MYO9A: variants seen among roughly 807,000 people sequenced by gnomAD.
MYO9A encodes the protein unconventional myosin-IXa.
In MYO9A, 103 loss-of-function variants were observed where a neutral mutation model predicts 293.3. The observed-to-expected ratio is 0.35, with a 90% CI of 0.30 to 0.41. MYO9A has a LOEUF of 0.41. Among genes scored for constraint, MYO9A ranks in the 10% least tolerant of loss-of-function variants. The pLI, the probability that MYO9A is intolerant of heterozygous loss-of-function variation, is 1.00. For synonymous variants in MYO9A, 1,001 were observed against 1,035.7 expected (o/e 0.97, Z 0.64); for missense variants, 2,685 against 3,033.0 (o/e 0.89, Z 2.69).
chr15:71,997,473 G>A (rs752631609), intron 9 of MYO9A, among the ~76,000 whole-genome samples: 83 of 152,078 alleles, frequency 5.5e-4, no homozygotes, highest in Admixed American at 7.9e-4. Flanking sequence ...GGTGGCGGGC[G>A]CCTGTAATCC....
At chr15:71,967,407 G>A (rs867763181) in intron 13 of MYO9A, among the ~76,000 whole-genome samples, 1 of 152,064 alleles carries the variant, frequency 6.6e-6, no homozygotes, top group Non-Finnish European at 1.5e-5. Flanking sequence ...TAAGACACTC[G>A]ACTCAAGACC....
Position 71,897,866 on chromosome 15 carries a change from G to A in MYO9A, c.4637C>T (p.Ser1546Phe), listed in dbSNP as rs2057375753. Residue 1546 changes from serine (S) to phenylalanine (F), a missense_variant, in exon 25 of 42, where the codon TCT becomes TTT. Physicochemically the swap from Ser to Phe is radical, Grantham distance 155. This residue lies in a region of MYO9A where 1,434 missense variants were observed against 1,497.7 expected (regional missense o/e 0.96). Transcript: ENST00000356056. ...PRIGECLVAP[S>F]SYQSKQRVER... is the part of the protein sequence containing the mutation. The stretch of plus-strand genomic sequence containing the variant: ...TACTCTTTGCTTTGACTGATAGGAA[G>A]ATGGTGCCACCAAACACTCTCCAAT... The A allele has an allele frequency of 6.2e-7, 1 of 1,614,008 alleles. No homozygotes were observed. The highest frequency in any genetic ancestry group is 1.7e-5 in the Admixed American group (1 of 59,984).
rs369422000 is a variant in MYO9A at position 71,976,328 on chromosome 15, G to T, written c.1844+1843C>A. Among the ~76,000 whole-genome samples, 39 of 152,252 alleles carry T rather than the reference G, an allele frequency of 2.6e-4. No individual in the cohort carries two copies. In the East Asian group the frequency reaches 7.1e-3, roughly 28 times the overall value. On this transcript the variant is annotated intron_variant, in intron 12 of 41. Coordinates refer to ENST00000356056, the MANE Select transcript of MYO9A (RefSeq NM_006901.4). Reference sequence around the variant, plus strand: ...TCTGTAACAGTAGTTATAGAAATGGGATACAAGTCCTGGACTTCTGACTCT... The same window carrying T: ...TCTGTAACAGTAGTTATAGAAATGGTATACAAGTCCTGGACTTCTGACTCT...
chr15:71,964,871 C>T lies in MYO9A; in HGVS notation c.1986+3113G>A, dbSNP rs572601804. 4.9e-4 allele frequency among the ~76,000 whole-genome samples: 74 copies of T among 152,024 alleles called. 1 individual carries two copies. The highest frequency in any genetic ancestry group is 1.2e-3 in the South Asian group (6 of 4,822). ...TTGGGAGGCTGAGGAACGAGAATTG[C>T]TTGAACCCAGGTGGTGGTGGTTGCA... is the stretch of plus-strand genomic sequence containing the variant. On this transcript the variant is annotated intron_variant, in intron 13 of 41. Transcript: ENST00000356056.
At chr15:71,857,930 C>T (rs1428271769) in intron 34 of MYO9A, among the ~76,000 whole-genome samples, 1 of 152,232 alleles carries the variant, frequency 6.6e-6, no homozygotes, top group Non-Finnish European at 1.5e-5. Flanking sequence ...AACAACCCCA[C>T]CAAAAAGTGG....
At chr15:71,961,990 C>T (rs1289062298) in intron 13 of MYO9A, among the ~76,000 whole-genome samples, 1 of 152,102 alleles carries the variant, frequency 6.6e-6, no homozygotes, top group Admixed American at 6.6e-5. Context: ...TCCCAAAATG[C>T]TGGAATTACA....
intron 32 of MYO9A, among the ~76,000 whole-genome samples, chr15:71,870,977 A>G (rs2056493413): frequency 6.6e-6 from 1 of 152,246 alleles, no homozygotes; most frequent in East Asian, 1.9e-4. Context: ...ATACACTATT[A>G]AAGAAAAAAA....
intron 1 of MYO9A, among the ~76,000 whole-genome samples, chr15:72,085,817 C>T (rs1166237297): frequency 6.6e-6 from 1 of 152,008 alleles, no homozygotes; most frequent in African/African-American, 2.4e-5. Context: ...TTCCTTTCAC[C>T]CTATTTGATG....
At chr15:72,044,863 A>C (rs1405323599) in intron 2 of MYO9A, among the ~76,000 whole-genome samples, 1 of 152,126 alleles carries the variant, frequency 6.6e-6, no homozygotes, top group Non-Finnish European at 1.5e-5. Context: ...ATATACAATG[A>C]CTACAGTCAT....
intron 19 of MYO9A, among the ~76,000 whole-genome samples, chr15:71,910,855 T>C (rs913709349): frequency 2.6e-5 from 4 of 152,236 alleles, no homozygotes; most frequent in African/African-American, 4.8e-5. Flanking sequence ...CTTCATATTA[T>C]ACAAGTCCTT....
At chr15:72,107,727 T>C (rs1250851145) in intron 1 of MYO9A, among the ~76,000 whole-genome samples, 2 of 151,344 alleles carry the variant, frequency 1.3e-5, no homozygotes, top group Admixed American at 1.3e-4. Context: ...GACTAATGGG[T>C]TCAGGAAAAA....
chr15:71,840,991 A>G lies in MYO9A; in HGVS notation c.6837+7854T>C, dbSNP rs1381123000. 3.3e-5 allele frequency among the ~76,000 whole-genome samples: 5 copies of G among 152,142 alleles called. No homozygotes were observed. In the East Asian group the frequency reaches 9.6e-4, roughly 29 times the overall value. ...TGTTAAGTGTGTTCTTTGGTATTTG[A>G]TGTTGATGTTTAAAGTGTGTGTGTG... On this transcript the variant is annotated intron_variant, in intron 39 of 41. Coordinates refer to ENST00000356056, the MANE Select transcript of MYO9A (RefSeq NM_006901.4).
chr15:72,074,167 A>T (rs2079275293), intron 1 of MYO9A, among the ~76,000 whole-genome samples: 1 of 152,224 alleles, frequency 6.6e-6, no homozygotes, highest in African/African-American at 2.4e-5. Flanking sequence ...TAATAAATTA[A>T]CCATGCTCTC....
chr15:71,903,975 G>A lies in MYO9A; in HGVS notation c.2831C>T (p.Thr944Ile), dbSNP rs751043480. The A allele has an allele frequency of 1.1e-5, 17 of 1,614,086 alleles. No individual in the cohort carries two copies. The South Asian group carries it at 1.8e-4, about 17-fold the overall frequency. The change falls in exon 21 of 42, where the codon ACA (threonine) becomes ATA (isoleucine). Residue 944 changes from threonine to isoleucine, a missense_variant. This residue lies in a region of MYO9A where 1,434 missense variants were observed against 1,497.7 expected (regional missense o/e 0.96). Transcript: ENST00000356056. ...GTATCCTGATTGGCGAATTCGAACTGTTTCCAGCATCCCGGTGTATCGAAG... is the reference window on the plus strand; with the variant it reads ...GTATCCTGATTGGCGAATTCGAACTATTTCCAGCATCCCGGTGTATCGAAG... Reference protein sequence around the residue: ...RQLRYTGMLETVRIRQSGYSS... With the variant: ...RQLRYTGMLEIVRIRQSGYSS...
chr15:71,998,292 G>C (rs994342793), intron 9 of MYO9A, among the ~76,000 whole-genome samples: 6 of 152,100 alleles, frequency 3.9e-5, no homozygotes, highest in Non-Finnish European at 8.8e-5. Context: ...AGACATAAAG[G>C]GGGTGACAGA....
At chr15:72,102,892 T>C (rs1056877801) in intron 1 of MYO9A, among the ~76,000 whole-genome samples, 3 of 151,896 alleles carry the variant, frequency 2.0e-5, no homozygotes, top group African/African-American at 7.3e-5. Flanking sequence ...AGAGACAAAA[T>C]TGTCATTATT....
intron 40 of MYO9A, 93 bp downstream of exon 40, chr15:71,830,016 G>A: frequency 7.9e-7 from 1 of 1,258,174 alleles, no homozygotes. Context: ...TTAACACACA[G>A]GAGATAATAA....
At chr15:71,837,762 T>A (rs919358244) in intron 39 of MYO9A, among the ~76,000 whole-genome samples, 5 of 152,150 alleles carry the variant, frequency 3.3e-5, no homozygotes, top group African/African-American at 1.2e-4. Context: ...AAAAGTTGAT[T>A]ACATGGAGCT....
intron 1 of MYO9A, among the ~76,000 whole-genome samples, chr15:72,065,124 T>C (rs1340588081): frequency 6.6e-6 from 1 of 152,186 alleles, no homozygotes; most frequent in Non-Finnish European, 1.5e-5. Context: ...CCAACTGGAT[T>C]GTCTAGAAAA....
Sources: gnomAD v4.1 joint callset for allele counts (sites outside exome capture counted in the v4.1 genomes callset) on GRCh38, gnomAD v4.1.1 for gene constraint, gnomAD v4.1.1 regional missense constraint, MANE v1.5 for transcripts, NCBI Gene and HGNC (gene_info 2026-07-23, HGNC 2026-07-21) for gene names.